Variants in JARID2 observed in about 807,000 individuals in gnomAD.
JARID2 encodes the protein jumonji and AT-rich interaction domain containing 2.
A neutral mutation model predicts 125.6 loss-of-function variants in JARID2; 21 were observed. That is an observed-to-expected ratio of 0.17 (90% CI 0.12 to 0.24). The LOEUF is 0.24. JARID2 is among the 10% of genes least tolerant of loss of function. JARID2 has a pLI of 1.00. For synonymous variants in JARID2, 736 were observed against 661.6 expected (o/e 1.11, Z -1.73); for missense variants, 1,303 against 1,639.6 (o/e 0.79, Z 3.55).
At chr6:15,457,413 A>G (rs1051373734) in intron 4 of JARID2, among the ~76,000 whole-genome samples, 5 of 152,168 alleles carry the variant, frequency 3.3e-5, no homozygotes, top group Non-Finnish European at 5.9e-5. Flanking sequence ...CACATCCCCA[A>G]GCCTCTAGTG....
intron 2 of JARID2, among the ~76,000 whole-genome samples, chr6:15,392,045 T>G (rs1380236529): frequency 1.3e-5 from 1 of 77,416 alleles, no homozygotes; most frequent in African/African-American, 4.6e-5. Context: ...GAGTGGTGTG[T>G]GTGTGTGTGT....
At chr6:15,321,724 C>G (rs1762361601) in intron 1 of JARID2, among the ~76,000 whole-genome samples, 4 of 148,364 alleles carry the variant, frequency 2.7e-5, no homozygotes, top group Admixed American at 6.7e-5. Context: ...AGATATGAGA[C>G]TTCAATAATA....
At chr6:15,468,208 T>G (rs1469761159) in intron 4 of JARID2, among the ~76,000 whole-genome samples, 22 of 149,046 alleles carry the variant, frequency 1.5e-4, no homozygotes, top group Non-Finnish European at 5.9e-5. Context: ...TTTAGAGTAA[T>G]CTCTCTTCCT....
At chr6:15,392,866 G>A (rs1765077253) in intron 2 of JARID2, among the ~76,000 whole-genome samples, 1 of 151,904 alleles carries the variant, frequency 6.6e-6, no homozygotes, top group African/African-American at 2.4e-5. Flanking sequence ...TGTATTTTTA[G>A]TAGAGATGGG....
chr6:15,342,278 G>A (rs1436004474), intron 1 of JARID2, among the ~76,000 whole-genome samples: 3 of 152,160 alleles, frequency 2.0e-5, no homozygotes, highest in African/African-American at 7.2e-5. Flanking sequence ...GCGACTTACT[G>A]TAAACATCTA....
intron 3 of JARID2, among the ~76,000 whole-genome samples, chr6:15,414,673 T>G (rs1031357042): frequency 2.0e-5 from 3 of 152,184 alleles, no homozygotes; most frequent in Non-Finnish European, 4.4e-5. Flanking sequence ...GAGTGGAGAT[T>G]CTGTGCTGGT....
chr6:15,265,097 G>T (rs570256582), intron 1 of JARID2, among the ~76,000 whole-genome samples: 1 of 152,312 alleles, frequency 6.6e-6, no homozygotes, highest in South Asian at 2.1e-4. Flanking sequence ...CCAGTGCGCA[G>T]TGTGCAGGCT....
chr6:15,279,352 A>G (rs1284518833), intron 1 of JARID2, among the ~76,000 whole-genome samples: 2 of 152,144 alleles, frequency 1.3e-5, no homozygotes, highest in Admixed American at 1.3e-4. Flanking sequence ...GTCCCAGGTG[A>G]TATGTATGCC....
intron 1 of JARID2, among the ~76,000 whole-genome samples, chr6:15,327,340 C>G (rs1466350062): frequency 2.0e-5 from 3 of 152,064 alleles, no homozygotes; most frequent in African/African-American, 7.2e-5. Flanking sequence ...CCTTTTGACT[C>G]GCCTCCACCC....
intron 8 of JARID2, among the ~76,000 whole-genome samples, chr6:15,502,727 C>T (rs1770802334): frequency 6.6e-6 from 1 of 152,216 alleles, no homozygotes; most frequent in Non-Finnish European, 1.5e-5. Flanking sequence ...GAAAGAGGTA[C>T]CCAGTTTTTC....
At chr6:15,261,337 C>T (rs115247412) in intron 1 of JARID2, among the ~76,000 whole-genome samples, 11,247 of 127,762 alleles carry the variant, frequency 0.088, 469 homozygotes, top group Middle Eastern at 0.15. Flanking sequence ...TTTTTTGAGA[C>T]GGAGTCTTGC....
At chr6:15,416,625 C>T (rs989371899) in intron 3 of JARID2, among the ~76,000 whole-genome samples, 3 of 149,912 alleles carry the variant, frequency 2.0e-5, no homozygotes, top group African/African-American at 7.4e-5. Context: ...TGCAGTGAGC[C>T]GAGATGGCAG....
intron 1 of JARID2, among the ~76,000 whole-genome samples, chr6:15,292,392 A>T (rs1350075473): frequency 1.3e-5 from 2 of 152,174 alleles, no homozygotes; most frequent in African/African-American, 4.8e-5. Flanking sequence ...AATTTTCTAT[A>T]CAGTGAATGT....
intron 4 of JARID2, among the ~76,000 whole-genome samples, chr6:15,464,301 G>A (rs895863252): frequency 1.3e-5 from 2 of 152,216 alleles, no homozygotes; most frequent in South Asian, 2.1e-4. Flanking sequence ...CAGCAACCAC[G>A]TGGTGACAGA....
At chr6:15,432,323 TAGGCTG>T (rs1421670841) in intron 3 of JARID2, among the ~76,000 whole-genome samples, 2 of 152,166 alleles carry the variant, frequency 1.3e-5, no homozygotes, top group East Asian at 1.9e-4. Flanking sequence ...AGCTACTCGG[TAGGCTG>T]AGGCTGAGGC....
intron 1 of JARID2, among the ~76,000 whole-genome samples, chr6:15,281,986 G>A (rs959984994): frequency 4.0e-5 from 6 of 151,366 alleles, no homozygotes; most frequent in Non-Finnish European, 5.9e-5. Context: ...GTCTTGCTCA[G>A]TTGCCAAGGC....
chr6:15,327,837 TC>T (rs1762583728), intron 1 of JARID2, among the ~76,000 whole-genome samples: 1 of 152,208 alleles, frequency 6.6e-6, no homozygotes, highest in East Asian at 1.9e-4. Flanking sequence ...TTCTTGTCCT[TC>T]AAGGCTCAAT....
chr6:15,386,281 C>T (rs1561829319), intron 2 of JARID2, among the ~76,000 whole-genome samples: 1 of 149,300 alleles, frequency 6.7e-6, no homozygotes, highest in Non-Finnish European at 1.5e-5. Flanking sequence ...TTCCTTTCCC[C>T]CTCTCTCTCC....
intron 2 of JARID2, among the ~76,000 whole-genome samples, chr6:15,388,941 G>C (rs1013086977): frequency 2.0e-5 from 3 of 152,034 alleles, no homozygotes; most frequent in Non-Finnish European, 4.4e-5. Context: ...CTGAGTCCCT[G>C]TTTTCTTTCT....
Sources: gnomAD v4.1 joint callset for allele counts (sites outside exome capture counted in the v4.1 genomes callset) on GRCh38, gnomAD v4.1.1 for gene constraint, MANE v1.5 for transcripts, NCBI Gene and HGNC (gene_info 2026-07-23, HGNC 2026-07-21) for gene names.